Variants in ARMC2 observed in about 807,000 individuals in gnomAD.
ARMC2 encodes armadillo repeat containing 2.
In ARMC2, 67 loss-of-function variants were observed where a neutral mutation model predicts 90.3. The observed-to-expected ratio is 0.74, with a 90% CI of 0.61 to 0.91. The LOEUF is 0.91. ARMC2 is among the 40% of genes least tolerant of loss of function. ARMC2 has a pLI of 0.00. For synonymous variants in ARMC2, 393 were observed against 393.0 expected, an observed-to-expected ratio of 1.00 and a Z score of 0.00; for missense variants, 920 against 1,030.9, an observed-to-expected ratio of 0.89 and a Z score of 1.47.
chr6:108,905,417 T>C (rs1353124818), intron 8 of ARMC2, among the ~76,000 whole-genome samples: 1 of 152,062 alleles, frequency 6.6e-6, no homozygotes, highest in African/African-American at 2.4e-5. Flanking sequence ...TTCTTTGAAA[T>C]AGTGATATCA....
At chr6:109,002,429 G>T in the ARMC2 span, 1 of 1,004,588 alleles carries the variant, frequency 1.0e-6, no homozygotes, top group Non-Finnish European at 1.6e-6. Context: ...AAAACAACCA[G>T]TCGAACAGAG....
the ARMC2 span, among the ~76,000 whole-genome samples, chr6:108,989,674 CTCA>C: frequency 4.6e-5 from 7 of 151,950 alleles, no homozygotes; most frequent in African/African-American, 1.7e-4. Flanking sequence ...AATTACTTTA[CTCA>C]TGTTTCTAGG....
At chr6:108,873,708 CTT>C (rs2128435268) in intron 4 of ARMC2, among the ~76,000 whole-genome samples, 1 of 152,298 alleles carries the variant, frequency 6.6e-6, no homozygotes, top group South Asian at 2.1e-4. Context: ...TCACTCCAGA[CTT>C]TTGTTCTCTT....
chr6:109,037,329 G>T, the ARMC2 span, among the ~76,000 whole-genome samples: 25 of 152,124 alleles, frequency 1.6e-4, no homozygotes, highest in African/African-American at 5.3e-4. Context: ...GCACAGAAAA[G>T]AAGTATGTTT....
rs549679371 is a variant in ARMC2 at position 108,926,632 on chromosome 6, CG to C, written c.1351-1455del. On this transcript the variant is annotated intron_variant, in intron 10 of 17. Coordinates refer to ENST00000392644, the MANE Select transcript of ARMC2 (RefSeq NM_032131.6). ...TCCAGCTACTTGGGAGGCTGAGGCA[CG>C]ACAATTGCTTGAATGGGGGAGGCAG... 3.1e-3 allele frequency among the ~76,000 whole-genome samples: 465 copies of C among 151,954 alleles called. 3 individuals carry two copies. Among genetic ancestry groups the C allele is most frequent in the African/African-American group, 0.011 (447 of 41,414 alleles).
At chr6:109,002,337 C>T in the ARMC2 span, 1 of 1,612,940 alleles carries the variant, frequency 6.2e-7, no homozygotes, top group Non-Finnish European at 8.5e-7. Context: ...ATTCTAATGC[C>T]AAGTTCCTAG....
intron 8 of ARMC2, chr6:108,907,993 C>T: frequency 1.1e-6 from 1 of 917,812 alleles, no homozygotes; most frequent in South Asian, 1.8e-5. Context: ...TTCCCATTTC[C>T]TATTTTCCTC....
At chr6:108,994,753 A>G in the ARMC2 span, 1 of 648,342 alleles carries the variant, frequency 1.5e-6, no homozygotes, top group Non-Finnish European at 2.2e-6. Context: ...CCCAGGCTGC[A>G]GTGCAGTGGC....
chr6:108,989,580 T>C, the ARMC2 span, among the ~76,000 whole-genome samples: 1 of 151,204 alleles, frequency 6.6e-6, no homozygotes, highest in Admixed American at 6.6e-5. Context: ...GAGATATCTA[T>C]ATATAGAGAG....
In ARMC2 at chr6:108,944,468, C is replaced by T. The variant is rs147094632; in HGVS notation, c.1596+7469C>T. ...GCTTCAAGCACTGGCCAGAGTGGCT[C>T]CCTCAGGAGAGATGGGCACAGGCTC... On this transcript the variant is annotated intron_variant, in intron 12 of 17. Transcript: ENST00000392644. Among the ~76,000 whole-genome samples, 80 of 152,290 alleles carry T rather than the reference C, an allele frequency of 5.3e-4. No homozygotes were observed. The East Asian group carries it at 0.015, about 28-fold the overall frequency.
chr6:108,975,797 C>T (rs924560824), downstream of ARMC2, among the ~76,000 whole-genome samples: 8 of 152,130 alleles, frequency 5.3e-5, no homozygotes, highest in Non-Finnish European at 8.8e-5. Flanking sequence ...GCATAAATGT[C>T]TTCTTTTGAG....
At chr6:108,861,906 A>G (rs776551480) in intron 3 of ARMC2, among the ~76,000 whole-genome samples, 8 of 152,198 alleles carry the variant, frequency 5.3e-5, no homozygotes, top group Non-Finnish European at 1.0e-4. Flanking sequence ...CTCATTTTCT[A>G]GAGATAACCT....
intron 12 of ARMC2, among the ~76,000 whole-genome samples, chr6:108,938,432 T>C (rs953517581): frequency 7.0e-6 from 1 of 142,528 alleles, no homozygotes; most frequent in Non-Finnish European, 1.5e-5. Flanking sequence ...TTTTTTTTTT[T>C]GGTAGAGACA....
the ARMC2 span, chr6:108,987,677 ACAAT>A: frequency 1.9e-6 from 2 of 1,050,460 alleles, no homozygotes; most frequent in Non-Finnish European, 2.9e-6. Context: ...ACAAGCATTC[ACAAT>A]CAGTTTTTCA....
intron 5 of ARMC2, among the ~76,000 whole-genome samples, chr6:108,881,612 G>A (rs750985087): frequency 1.6e-4 from 24 of 152,150 alleles, no homozygotes; most frequent in Non-Finnish European, 2.9e-4. Flanking sequence ...CCTGTGTAAG[G>A]ACTCCATTCA....
At chr6:108,974,596 A>G (rs1778944270), downstream of ARMC2, 3 of 152,136 alleles carry the variant, frequency 2.0e-5, no homozygotes, top group Admixed American at 1.3e-4. Context: ...GGAGGATCCC[A>G]TGAGGCTAGG....
chr6:108,877,998 C>T (rs1254511229), intron 5 of ARMC2, among the ~76,000 whole-genome samples: 3 of 152,144 alleles, frequency 2.0e-5, no homozygotes, highest in African/African-American at 7.2e-5. Context: ...TGTACCCTGG[C>T]AAGGTTAACT....
At chr6:109,005,888 C>T in the ARMC2 span, among the ~76,000 whole-genome samples, 1 of 152,146 alleles carries the variant, frequency 6.6e-6, no homozygotes, top group Non-Finnish European at 1.5e-5. Flanking sequence ...TAAGGTCTAA[C>T]AGATTTGGCT....
In ARMC2 at chr6:108,965,095, A is replaced by G; in HGVS notation, c.2401A>G (p.Asn801Asp). 1 of 1,613,654 alleles carries G rather than the reference A, an allele frequency of 6.2e-7. No homozygotes were observed. Among genetic ancestry groups the G allele is most frequent in the Non-Finnish European group, 8.5e-7 (1 of 1,179,610 alleles). ...CACTAATGCTTCGTCATGTTTTGGA[A>G]ATGAAGACACCAACACACTCTTACT... is the stretch of plus-strand genomic sequence containing the variant. Reference protein sequence around the residue: ...NITNASSCFGNEDTNTLLLLL... With the variant: ...NITNASSCFGDEDTNTLLLLL... The change falls in exon 17 of 18, where the codon AAT (asparagine) becomes GAT (aspartate). Residue 801 changes from asparagine to aspartate, a missense_variant. Coordinates refer to ENST00000392644, the MANE Select transcript of ARMC2 (RefSeq NM_032131.6).
Sources: gnomAD v4.1 joint callset for allele counts (sites outside exome capture counted in the v4.1 genomes callset) on GRCh38, gnomAD v4.1.1 for gene constraint, MANE v1.5 for transcripts, NCBI Gene and HGNC (gene_info 2026-07-23, HGNC 2026-07-21) for gene names.